The following ZDHHC14 variants were observed in gnomAD, a reference collection of about 807,000 sequenced individuals.
The protein encoded by ZDHHC14 is zDHHC palmitoyltransferase 14, also known as palmitoyltransferase ZDHHC14.
Under a neutral mutation model 47.7 loss-of-function variants are expected in ZDHHC14, and 16 were observed. The ratio of observed to expected loss-of-function variants is 0.34; its 90% CI spans 0.23 to 0.51. ZDHHC14 has a LOEUF of 0.51. Among genes scored for constraint, ZDHHC14 ranks in the 20% least tolerant of loss-of-function variants. The probability of loss-of-function intolerance (pLI) is 0.97; values close to 1 mark genes in which losing one functional copy is unlikely to be tolerated. For missense variants in ZDHHC14, 515 were observed against 662.5 expected, an observed-to-expected ratio of 0.78 and a Z score of 2.44; for synonymous variants, 293 against 278.9, an observed-to-expected ratio of 1.05 and a Z score of -0.50.
At chr6:157,535,867 A>T (rs1158237331) in intron 1 of ZDHHC14, among the ~76,000 whole-genome samples, 1 of 152,124 alleles carries the variant, frequency 6.6e-6, no homozygotes, top group Non-Finnish European at 1.5e-5. Flanking sequence ...GTGGTGGTAG[A>T]TTTATTTCTA....
intron 1 of ZDHHC14, among the ~76,000 whole-genome samples, chr6:157,435,113 G>A (rs1375976807): frequency 2.0e-5 from 3 of 152,180 alleles, no homozygotes; most frequent in East Asian, 1.9e-4. Context: ...GCAGTTCCTC[G>A]GGGGTTCTTT....
intron 1 of ZDHHC14, among the ~76,000 whole-genome samples, chr6:157,394,868 C>T (rs1210606865): frequency 6.6e-6 from 1 of 152,064 alleles, no homozygotes; most frequent in African/African-American, 2.4e-5. Flanking sequence ...TGACCAACAA[C>T]ACTAAAGTTA....
chr6:157,567,144 G>A (rs1401097024), intron 2 of ZDHHC14, among the ~76,000 whole-genome samples: 1 of 152,110 alleles, frequency 6.6e-6, no homozygotes, highest in African/African-American at 2.4e-5. Context: ...GACCCAGCAT[G>A]CCTGGCCTAA....
chr6:157,575,943 G>C (rs1481606025), intron 2 of ZDHHC14, among the ~76,000 whole-genome samples: 1 of 152,162 alleles, frequency 6.6e-6, no homozygotes, highest in Non-Finnish European at 1.5e-5. Flanking sequence ...TCACTACTCG[G>C]CTGCCTGCGG....
rs188489654 is a variant in ZDHHC14, at chr6:157,381,541, C to G, written c.-481C>G. 8.4e-3 allele frequency: 3,417 copies of G among 405,994 alleles called. 22 individuals carry two copies. The highest frequency in any genetic ancestry group is 0.012 in the Non-Finnish European group (2,513 of 203,638). 25.1% of individuals were successfully genotyped at this position (405,994 alleles called of 1,614,324 possible). ...CTGCCGGAGGAAGGAGTGGACCCAACCTGGCCGCGCCGCAGAAGTGGCTCC... is the reference window on the plus strand; with the variant it reads ...CTGCCGGAGGAAGGAGTGGACCCAAGCTGGCCGCGCCGCAGAAGTGGCTCC... On this transcript the variant is annotated 5_prime_UTR_variant, in exon 1 of 9. Coordinates refer to ENST00000359775, the MANE Select transcript of ZDHHC14 (RefSeq NM_024630.3).
At chr6:157,640,161 C>T (rs569983718) in intron 5 of ZDHHC14, among the ~76,000 whole-genome samples, 6 of 152,280 alleles carry the variant, frequency 3.9e-5, no homozygotes, top group South Asian at 2.1e-4. Context: ...GAAGCCCTGC[C>T]TATCAACACT....
At chr6:157,623,439 G>A (rs1351981858) in intron 3 of ZDHHC14, among the ~76,000 whole-genome samples, 3 of 151,774 alleles carry the variant, frequency 2.0e-5, no homozygotes, top group Non-Finnish European at 4.4e-5. Context: ...CTGAAGCCTT[G>A]CCAGCCCTGC....
intron 5 of ZDHHC14, among the ~76,000 whole-genome samples, chr6:157,637,624 C>T (rs1008946228): frequency 6.6e-6 from 1 of 152,182 alleles, no homozygotes; most frequent in African/African-American, 2.4e-5. Flanking sequence ...GGAAGTTTCC[C>T]AGCTGACTTG....
chr6:157,518,411 G>T (rs1382000292), intron 1 of ZDHHC14, among the ~76,000 whole-genome samples: 4 of 143,896 alleles, frequency 2.8e-5, no homozygotes, highest in Non-Finnish European at 3.1e-5. Flanking sequence ...GGGTGGAAGG[G>T]GGGCTCTTTA....
intron 3 of ZDHHC14, among the ~76,000 whole-genome samples, chr6:157,625,822 A>G (rs1408893297): frequency 2.0e-5 from 3 of 152,038 alleles, no homozygotes; most frequent in African/African-American, 7.2e-5. Flanking sequence ...TCCCAGAAAT[A>G]GTTTGCCAGA....
chr6:157,514,594 G>A (rs959017814), intron 1 of ZDHHC14, among the ~76,000 whole-genome samples: 2 of 152,260 alleles, frequency 1.3e-5, no homozygotes, highest in African/African-American at 4.8e-5. Flanking sequence ...TTGCTAGGCA[G>A]TGAATATTGA....
intron 1 of ZDHHC14, 34 bp downstream of exon 1, chr6:157,382,300 C>G: frequency 6.2e-7 from 1 of 1,606,172 alleles, no homozygotes; most frequent in East Asian, 2.3e-5. Context: ...CGACGCCGCA[C>G]TCCCCTGGTC....
chr6:157,448,019 G>A (rs1197814522), intron 1 of ZDHHC14, among the ~76,000 whole-genome samples: 2 of 151,824 alleles, frequency 1.3e-5, no homozygotes, highest in Non-Finnish European at 2.9e-5. Context: ...CTACAGGCCC[G>A]CACCACCACA....
intron 1 of ZDHHC14, among the ~76,000 whole-genome samples, chr6:157,509,795 G>T (rs1780416408): frequency 6.6e-6 from 1 of 152,340 alleles, no homozygotes; most frequent in Non-Finnish European, 1.5e-5. Flanking sequence ...AATGTTTGCA[G>T]ACTGGGTACA....
At chr6:157,385,745 A>T (rs1429487815) in intron 1 of ZDHHC14, among the ~76,000 whole-genome samples, 4 of 152,240 alleles carry the variant, frequency 2.6e-5, no homozygotes, top group African/African-American at 7.2e-5. Flanking sequence ...AATTAGTGGG[A>T]AGGCTTCTGG....
At chr6:157,429,279 A>G (rs1778287952) in intron 1 of ZDHHC14, among the ~76,000 whole-genome samples, 1 of 152,178 alleles carries the variant, frequency 6.6e-6, no homozygotes, top group African/African-American at 2.4e-5. Context: ...GGAGAATAGA[A>G]TAGAAACAGA....
At chr6:157,395,082 T>A (rs1188260243) in intron 1 of ZDHHC14, among the ~76,000 whole-genome samples, 2 of 149,786 alleles carry the variant, frequency 1.3e-5, no homozygotes, top group Non-Finnish European at 1.5e-5. Context: ...AAGTAGTGAG[T>A]ACTGACAGTT....
chr6:157,536,518 G>A (rs922777080), intron 1 of ZDHHC14, among the ~76,000 whole-genome samples: 1 of 152,112 alleles, frequency 6.6e-6, no homozygotes, highest in Non-Finnish European at 1.5e-5. Flanking sequence ...CTTTTGTTTT[G>A]TTTAGTTTTT....
Position 157,642,023 on chromosome 6 carries a change from AAGATAGAT to A in ZDHHC14, c.753-3675_753-3668del, listed in dbSNP as rs77223982. On this transcript the variant is annotated intron_variant, in intron 5 of 8. Coordinates refer to ENST00000359775, the MANE Select transcript of ZDHHC14 (RefSeq NM_024630.3). ...CCAAAGAGCTTTTGTGTATATTTTG[AAGATAGAT>A]AGATAGATAGATAGATAGATAGATA... 5.7e-3 allele frequency among the ~76,000 whole-genome samples: 839 copies of A among 146,722 alleles called. 3 individuals are homozygous for A. Among genetic ancestry groups the A allele is most frequent in the African/African-American group, 0.013 (498 of 39,554 alleles).
Sources: gnomAD v4.1 joint callset for allele counts (sites outside exome capture counted in the v4.1 genomes callset) on GRCh38, gnomAD v4.1.1 for gene constraint, MANE v1.5 for transcripts, NCBI Gene and HGNC (gene_info 2026-07-23, HGNC 2026-07-21) for gene names.